The following THSD7B variants were observed in gnomAD, a reference collection of about 807,000 sequenced individuals.
THSD7B encodes the protein thrombospondin type 1 domain containing 7B.
THSD7B carries 138 observed loss-of-function variants against 213.6 expected under a neutral mutation model. The observed-to-expected ratio is 0.65, with a 90% confidence interval of 0.56 to 0.74. THSD7B has a LOEUF of 0.74. THSD7B is among the 30% of genes least tolerant of loss of function. The probability of loss-of-function intolerance (pLI) is 0.00; values close to 1 mark genes in which losing one functional copy is unlikely to be tolerated. For synonymous variants in THSD7B, 742 were observed against 687.0 expected (o/e 1.08, Z -1.25); for missense variants, 1,931 against 1,991.5 (o/e 0.97, Z 0.58).
chr2:137,006,194 C>G (rs959016244), intron 2 of THSD7B, among the ~76,000 whole-genome samples: 2 of 152,044 alleles, frequency 1.3e-5, no homozygotes, highest in Non-Finnish European at 2.9e-5. Context: ...GAGATTGAGA[C>G]CATCCTGGCT....
At chr2:137,516,127 C>T (rs1404519698) in intron 15 of THSD7B, among the ~76,000 whole-genome samples, 1 of 152,200 alleles carries the variant, frequency 6.6e-6, no homozygotes, top group Non-Finnish European at 1.5e-5. Context: ...TAATGGACAG[C>T]AGAGGCAAAG....
chr2:136,847,452 G>T, intron 1 of THSD7B, among the ~76,000 whole-genome samples: 1 of 152,284 alleles, frequency 6.6e-6, no homozygotes, highest in East Asian at 1.9e-4. Context: ...GGTGATTTCT[G>T]TCTCATGGAG....
chr2:136,986,964 C>T (rs1469219809), intron 2 of THSD7B, among the ~76,000 whole-genome samples: 3 of 152,186 alleles, frequency 2.0e-5, no homozygotes, highest in East Asian at 1.9e-4. Context: ...AGTCCAGAGA[C>T]GTTAGTGACA....
At chr2:136,834,443 C>A (rs1682813464) in intron 1 of THSD7B, among the ~76,000 whole-genome samples, 1 of 152,134 alleles carries the variant, frequency 6.6e-6, no homozygotes, top group African/African-American at 2.4e-5. Flanking sequence ...TGCCATATAT[C>A]TAGGTAAAAG....
intron 15 of THSD7B, among the ~76,000 whole-genome samples, chr2:137,527,374 T>C (rs966961510): frequency 6.6e-6 from 1 of 152,092 alleles, no homozygotes; most frequent in Non-Finnish European, 1.5e-5. Context: ...TTTTCATTTG[T>C]CCAGAGGTGT....
At chr2:137,266,196 A>G (rs1361176688) in intron 10 of THSD7B, among the ~76,000 whole-genome samples, 3 of 152,182 alleles carry the variant, frequency 2.0e-5, no homozygotes, top group Non-Finnish European at 4.4e-5. Flanking sequence ...CAATGTGTTC[A>G]TGCTTTACAT....
At chr2:137,224,282 C>A (rs1010014464) in intron 7 of THSD7B, among the ~76,000 whole-genome samples, 3 of 152,208 alleles carry the variant, frequency 2.0e-5, no homozygotes, top group Non-Finnish European at 4.4e-5. Flanking sequence ...ATTGAGCCTT[C>A]TGTAGCCAGG....
At chr2:137,286,309 A>G (rs16838554) in intron 12 of THSD7B, among the ~76,000 whole-genome samples, 5,069 of 152,222 alleles carry the variant, frequency 0.033, 94 homozygotes, top group East Asian at 0.052. Context: ...GATATTACCC[A>G]TCAGCAGCTC....
At chr2:137,514,541 A>G (rs1237353226) in intron 15 of THSD7B, among the ~76,000 whole-genome samples, 1 of 152,116 alleles carries the variant, frequency 6.6e-6, no homozygotes, top group East Asian at 1.9e-4. Context: ...CTTTATATAT[A>G]TCTATCCTAT....
At chr2:137,175,147 C>T (rs1282115532) in intron 7 of THSD7B, among the ~76,000 whole-genome samples, 1 of 152,142 alleles carries the variant, frequency 6.6e-6, no homozygotes, top group Non-Finnish European at 1.5e-5. Context: ...TTCATGTGCC[C>T]ACAATGCAAA....
chr2:137,604,992 T>A (rs1682144985), intron 17 of THSD7B, among the ~76,000 whole-genome samples: 1 of 152,154 alleles, frequency 6.6e-6, no homozygotes, highest in Non-Finnish European at 1.5e-5. Flanking sequence ...TAATAATAAT[T>A]CTGAAATTGC....
intron 5 of THSD7B, among the ~76,000 whole-genome samples, chr2:137,115,988 G>A (rs1688441923): frequency 6.6e-6 from 1 of 152,188 alleles, no homozygotes; most frequent in Non-Finnish European, 1.5e-5. Flanking sequence ...AACCCAAGCA[G>A]TACTCCCTGC....
intron 15 of THSD7B, among the ~76,000 whole-genome samples, chr2:137,515,870 A>G (rs779851797): frequency 5.3e-5 from 8 of 152,218 alleles, no homozygotes; most frequent in Non-Finnish European, 1.2e-4. Context: ...CTCCAGACCT[A>G]CTAATCGCAG....
intron 2 of THSD7B, among the ~76,000 whole-genome samples, chr2:136,915,586 C>G (rs138002217): frequency 0.015 from 2,251 of 152,270 alleles, 45 homozygotes; most frequent in South Asian, 0.029. Context: ...ATTGCAAATA[C>G]TTTTTATCAA....
intron 2 of THSD7B, among the ~76,000 whole-genome samples, chr2:136,908,936 T>G (rs1427241736): frequency 6.6e-6 from 1 of 152,118 alleles, no homozygotes; most frequent in East Asian, 1.9e-4. Flanking sequence ...ATCCCAGCAT[T>G]TTGGGAGGCC....
At chr2:137,352,413 C>T (rs1306484648) in intron 12 of THSD7B, among the ~76,000 whole-genome samples, 1 of 151,932 alleles carries the variant, frequency 6.6e-6, no homozygotes, top group Non-Finnish European at 1.5e-5. Flanking sequence ...TGTTCATTTC[C>T]CTGCTCAAAA....
intron 10 of THSD7B, among the ~76,000 whole-genome samples, chr2:137,246,397 G>A (rs1682038827): frequency 6.6e-6 from 1 of 152,048 alleles, no homozygotes. Context: ...GGGAATCACT[G>A]GATTATGAAA....
intron 4 of THSD7B, among the ~76,000 whole-genome samples, chr2:137,101,281 A>T (rs1037457663): frequency 1.3e-5 from 2 of 152,114 alleles, no homozygotes; most frequent in Admixed American, 6.6e-5. Flanking sequence ...ATCTCAAGTG[A>T]TCCACAGGCC....
At chr2:137,571,478 G>A (rs1169640906) in intron 16 of THSD7B, among the ~76,000 whole-genome samples, 1 of 152,126 alleles carries the variant, frequency 6.6e-6, no homozygotes, top group East Asian at 1.9e-4. Flanking sequence ...TACATAGTAT[G>A]TATAGGTTTA....
Sources: allele counts gnomAD v4.1 joint callset (sites outside exome capture counted in the v4.1 genomes callset), GRCh38; gene constraint gnomAD v4.1.1; transcripts MANE v1.5; gene names NCBI Gene and HGNC (gene_info 2026-07-23, HGNC 2026-07-21).